A2ML1: variants seen among roughly 807,000 people sequenced by gnomAD.
A2ML1 encodes alpha-2-macroglobulin-like protein 1.
A2ML1 carries 161 observed loss-of-function variants against 181.9 expected under a neutral mutation model. That is an observed-to-expected ratio of 0.89 (90% CI 0.78 to 1.01). The LOEUF is 1.01. Among genes scored for constraint, A2ML1 ranks in the 50% least tolerant of loss-of-function variants. The pLI is 0.00. For synonymous variants in A2ML1, 663 were observed against 666.8 expected (o/e 0.99, Z 0.09); for missense variants, 1,670 against 1,768.1 (o/e 0.94, Z 1.00).
chr12:8,848,631 G>A, intron 15 of A2ML1, 89 bp from the exon 16 acceptor site: 1 of 988,112 alleles, frequency 1.0e-6, no homozygotes, highest in Non-Finnish European at 1.5e-6. Context: ...TGATACAGGA[G>A]TAGTGAACTG....
At position 8,838,432 on chromosome 12, in the gene A2ML1, G is replaced by C; in HGVS notation, c.952G>C (p.Val318Leu). ...YSHQINIVAT[V>L]VEEGTGVEAN... is the part of the protein sequence containing the mutation. ...CCATCAAATCAATATTGTGGCTACTGTTGTGGAGGAAGGGACAGGTAAGTA... is the reference window on the plus strand; with the variant it reads ...CCATCAAATCAATATTGTGGCTACTCTTGTGGAGGAAGGGACAGGTAAGTA... Residue 318 changes from valine to leucine, a missense_variant, in exon 9 of 36, where the codon GTT (valine) becomes CTT (leucine). Transcript: ENST00000299698. The C allele has an allele frequency of 6.2e-7, 1 of 1,613,680 alleles. No individual in the cohort carries two copies. The highest frequency in any genetic ancestry group is 1.1e-5 in the South Asian group (1 of 90,944).
At chr12:8,867,371 G>C (rs1330639378) in intron 29 of A2ML1, among the ~76,000 whole-genome samples, 8 of 152,192 alleles carry the variant, frequency 5.3e-5, no homozygotes, top group Admixed American at 4.6e-4. Context: ...CTACTGGCTG[G>C]GTATGGTGGC....
At position 8,863,891 on chromosome 12, in the gene A2ML1, A is replaced by G. The variant is rs1239405353; in HGVS notation, c.3600A>G (p.Ala1200=). ...TAGATGTGGAACTCACAGCATATGC[A>G]TTGTTGGCCCAGCTTACCAAGCCCA... ...AAVDVELTAY[A]LLAQLTKPSL... is the part of the protein sequence containing the mutation. The change falls in exon 29 of 36, where the codon GCA becomes GCG. Residue 1200 remains alanine, a synonymous_variant. Coordinates refer to ENST00000299698, the MANE Select transcript of A2ML1 (RefSeq NM_144670.6). The G allele has an allele frequency of 2.5e-6, 4 of 1,614,152 alleles. No individual in the cohort carries two copies. Among genetic ancestry groups the G allele is most frequent in the South Asian group, 1.1e-5 (1 of 91,082 alleles).
rs775025101 is a variant in A2ML1 at position 8,852,283 on chromosome 12, T to C, written c.2537T>C (p.Leu846Pro). Residue 846 changes from leucine to proline, a missense_variant, in exon 20 of 36, where the codon CTC (leucine) becomes CCC (proline). Physicochemically the swap from Leu to Pro is moderately conservative, Grantham distance 98. Transcript: ENST00000299698. The surrounding 1 kb of genome is among the most constrained non-coding windows in gnomAD (Gnocchi z 4.2). ...GCAGATTCTCAGACCTCCAGTTGTC[T>C]CTGTGCTGATGACGCAAAAACCCAC... The part of the protein sequence containing the change: ...SWADSQTSSC[L>P]CADDAKTHHW... The C allele has an allele frequency of 6.8e-6, 11 of 1,614,020 alleles. No homozygotes were observed. The highest frequency in any genetic ancestry group is 9.3e-6 in the Non-Finnish European group (11 of 1,180,038).
chr12:8,875,099 T>A (rs1944760185), intron 35 of A2ML1, 87 bp downstream of exon 35: 3 of 1,435,400 alleles, frequency 2.1e-6, no homozygotes, highest in Non-Finnish European at 2.9e-6. Context: ...GTCATTGTCT[T>A]TTTTTGAGAT....
At chr12:8,863,445 A>C (rs1944336902) in intron 28 of A2ML1, among the ~76,000 whole-genome samples, 1 of 152,226 alleles carries the variant, frequency 6.6e-6, no homozygotes, top group African/African-American at 2.4e-5. Context: ...AAAAATTCAT[A>C]AAACTGTAAG....
At position 8,869,722 on chromosome 12, in the gene A2ML1, A is replaced by G. The variant is rs191944605; in HGVS notation, c.4221+519A>G. Among the ~76,000 whole-genome samples the G allele has an allele frequency of 1.9e-4, 29 of 152,336 alleles. No homozygotes were observed. In the East Asian group the frequency reaches 2.5e-3, roughly 13 times the overall value. ...AGAGTATGTTATAGTGGTTAATAGC[A>G]GAAGCTCTGAAGCCAGACTGCCTGG... On this transcript the variant is annotated intron_variant, in intron 33 of 35. Coordinates refer to ENST00000299698, the MANE Select transcript of A2ML1 (RefSeq NM_144670.6).
chr12:8,830,049 TTTTA>T (rs1289353937), intron 4 of A2ML1, among the ~76,000 whole-genome samples: 2 of 152,098 alleles, frequency 1.3e-5, no homozygotes, highest in African/African-American at 4.8e-5. Flanking sequence ...TGTCATTTTA[TTTTA>T]TTTATTTGTT....
intron 33 of A2ML1, among the ~76,000 whole-genome samples, chr12:8,873,669 G>T (rs1446027658): frequency 2.6e-5 from 4 of 152,168 alleles, no homozygotes; most frequent in Admixed American, 6.5e-5. Flanking sequence ...TGCTGGTGGG[G>T]CAGGCCAGGG....
chr12:8,825,062 A>G (rs76030526), intron 3 of A2ML1, among the ~76,000 whole-genome samples: 5,136 of 152,286 alleles, frequency 0.034, 290 homozygotes, highest in African/African-American at 0.11. Context: ...ACATGGCAGC[A>G]CAGATAGTCT....
At chr12:8,829,686 A>G (rs951294482) in intron 3 of A2ML1, 41 bp from the exon 4 acceptor site, 33 of 1,490,638 alleles carry the variant, frequency 2.2e-5, no homozygotes, top group Non-Finnish European at 3.0e-5. Context: ...ATTCTGAGCC[A>G]GGAAACATCC....
chr12:8,845,865 TAAATA>T (rs140753342), intron 13 of A2ML1, among the ~76,000 whole-genome samples: 171 of 131,230 alleles, frequency 1.3e-3, no homozygotes, highest in Non-Finnish European at 1.9e-3. Flanking sequence ...AAAAAAAAAA[TAAATA>T]AAATAAAATA....
chr12:8,841,304 A>T, intron 10 of A2ML1, 65 bp from the exon 11 acceptor site: 2 of 1,466,414 alleles, frequency 1.4e-6, no homozygotes, highest in Admixed American at 4.1e-5. Context: ...CTAATATTTC[A>T]CTTTACCTCA....
In A2ML1 at chr12:8,851,818, C is replaced by T; in HGVS notation, c.2269C>T (p.Pro757Ser). The change falls in exon 19 of 36, where the codon CCT (proline) becomes TCT (serine). Residue 757 changes from proline (P) to serine (S), a missense_variant. Physicochemically the swap from Pro to Ser is moderately conservative, Grantham distance 74. Transcript: ENST00000299698. ...SGKEAVHVTV[P>S]DAITEWKAMS... ...GAAGGAGGCGGTCCACGTCACAGTT[C>T]CTGACGCCATCACCGAGTGGAAGGC... 6.2e-7 allele frequency: 1 copy of T among 1,614,184 alleles called. No individual in the cohort carries two copies. Among genetic ancestry groups the T allele is most frequent in the Non-Finnish European group, 8.5e-7 (1 of 1,180,040 alleles).
intron 26 of A2ML1, 25 bp from the exon 27 acceptor site, chr12:8,860,856 T>G (rs759567834): frequency 3.1e-6 from 5 of 1,611,582 alleles, no homozygotes; most frequent in Non-Finnish European, 4.2e-6. Context: ...CTGCCCTGAC[T>G]CACTGCCTCC....
Position 8,836,012 on chromosome 12 carries a change from C to CAAA in A2ML1, c.644-223_644-221dup, listed in dbSNP as rs753902128. ...TGGGTGACAGAGCAAGACTCCGTCT[C>CAAA]AAAAAAAAAAAAAAAAAAAAAATCA... On this transcript the variant is annotated intron_variant, in intron 6 of 35. Coordinates refer to ENST00000299698, the MANE Select transcript of A2ML1 (RefSeq NM_144670.6). Among the ~76,000 whole-genome samples the CAAA allele has an allele frequency of 5.8e-3, 305 of 52,142 alleles. 5 individuals are homozygous for CAAA. The highest frequency in any genetic ancestry group is 0.017 in the African/African-American group (279 of 16,504). The allele number at this position is 52,142 out of a possible 152,430, so 34.2% of individuals were successfully genotyped here.
rs746843098 is a variant in A2ML1 at position 8,860,950 on chromosome 12, G to A, written c.3334G>A (p.Val1112Ile). 2.5e-6 allele frequency: 4 copies of A among 1,613,998 alleles called. No homozygotes were observed. The African/African-American group carries it at 4.0e-5, about 16-fold the overall frequency. ...TGCATTGCTGGAGATGGGAAAGGAT[G>A]TAGATGTAAGTTCTCCTGGCTCCTG... ...TAALLEMGKD[V>I]DDPMVSQGLR... The change falls in exon 27 of 36, where the codon GTA (valine) becomes ATA (isoleucine). Residue 1112 changes from valine to isoleucine, a missense_variant. Val to Ile is a conservative substitution (Grantham distance 29). Transcript: ENST00000299698.
In A2ML1 at chr12:8,883,752, A is replaced by G. The variant is rs1286593512; in HGVS notation, c.*95-2755A>G. On this transcript the variant is annotated intron_variant and NMD_transcript_variant, in intron 7 of 7. Transcript: ENST00000537475. ...CTCGGCCTCCCAAAGTGCTGGGATT[A>G]TAGGTTGAGCCACCATACCTGGCCT... Among the ~76,000 whole-genome samples, 11 of 151,932 alleles carry G rather than the reference A, an allele frequency of 7.2e-5. 1 individual carries two copies. The highest frequency in any genetic ancestry group is 7.2e-4 in the Admixed American group (11 of 15,234).
intron 6 of A2ML1, among the ~76,000 whole-genome samples, 190 bp downstream of exon 6, chr12:8,835,856 A>C (rs1943254009): frequency 6.6e-6 from 1 of 151,924 alleles, no homozygotes; most frequent in Non-Finnish European, 1.5e-5. Flanking sequence ...CACTAACAAT[A>C]CAAAAAATTA....
Sources: gnomAD v4.1 joint callset for allele counts (sites outside exome capture counted in the v4.1 genomes callset) on GRCh38, gnomAD v4.1.1 for gene constraint, Gnocchi (gnomAD v3.1) non-coding constraint, MANE v1.5 for transcripts, NCBI Gene and HGNC (gene_info 2026-07-23, HGNC 2026-07-21) for gene names.